The following CCDC33 variants were observed in gnomAD, a reference collection of about 807,000 sequenced individuals.
CCDC33 encodes the protein coiled-coil domain-containing protein 33.
Under a neutral mutation model 91.9 loss-of-function variants are expected in CCDC33, and 94 were observed. The observed-to-expected ratio is 1.02, with a 90% CI of 0.87 to 1.21. The LOEUF is 1.21. CCDC33 is among the 50% of genes most tolerant of loss of function. The pLI, the probability that CCDC33 is intolerant of heterozygous loss-of-function variation, is 0.00. For missense variants in CCDC33, 940 were observed against 935.5 expected (o/e 1.00, Z -0.06); for synonymous variants, 396 against 374.5 (o/e 1.06, Z -0.66).
At chr15:74,283,827 A>G (rs1231899874) in intron 10 of CCDC33, among the ~76,000 whole-genome samples, 1 of 72,128 alleles carries the variant, frequency 1.4e-5, no homozygotes, top group Non-Finnish European at 4.0e-5. Context: ...CACCCCCTCT[A>G]CATATACACT....
intron 2 of CCDC33, among the ~76,000 whole-genome samples, chr15:74,209,935 A>G (rs2074345126): frequency 6.6e-6 from 1 of 152,194 alleles, no homozygotes; most frequent in African/African-American, 2.4e-5. Flanking sequence ...TGCCATCTAT[A>G]AAAAGGTGGG....
upstream of CCDC33, among the ~76,000 whole-genome samples, chr15:74,215,727 G>A (rs139291506): frequency 0.014 from 2,169 of 152,074 alleles, 62 homozygotes; most frequent in African/African-American, 0.05. Context: ...GAGGTTAGCC[G>A]GGCGTGGTGG....
chr15:74,281,390 C>G (rs901131), intron 9 of CCDC33, among the ~76,000 whole-genome samples: 78,010 of 151,858 alleles, frequency 0.51, 24,727 homozygotes, highest in Non-Finnish European at 0.71. Context: ...CATAGGGTTG[C>G]TGTGAGATTT....
At chr15:74,204,685 C>T (rs1266433096) in intron 1 of CCDC33, among the ~76,000 whole-genome samples, 1 of 152,214 alleles carries the variant, frequency 6.6e-6, no homozygotes, top group Non-Finnish European at 1.5e-5. Flanking sequence ...GTAATCCTAG[C>T]ACTTTGGGAG....
chr15:74,262,895 CCA>C (rs1412275523), intron 3 of CCDC33, among the ~76,000 whole-genome samples: 3 of 152,118 alleles, frequency 2.0e-5, no homozygotes, highest in Non-Finnish European at 4.4e-5. Context: ...TGGCACGTCC[CCA>C]CACATCACTC....
At chr15:74,213,726 C>T (rs552217422), upstream of CCDC33, among the ~76,000 whole-genome samples, 8 of 152,296 alleles carry the variant, frequency 5.3e-5, no homozygotes, top group South Asian at 1.5e-3. Flanking sequence ...GATCCTGTTG[C>T]CCTGTGGGCC....
chr15:74,209,353 A>G (rs1392918334), intron 1 of CCDC33: 1 of 1,533,224 alleles, frequency 6.5e-7, no homozygotes, highest in East Asian at 2.4e-5. Flanking sequence ...GGAACCCCCT[A>G]CTTACCTCCA....
At chr15:74,254,744 CTTTTTTTT>C (rs756927130) in intron 2 of CCDC33, among the ~76,000 whole-genome samples, 7 of 126,416 alleles carry the variant, frequency 5.5e-5, no homozygotes, top group African/African-American at 2.1e-4. Flanking sequence ...TACCCTCCTT[CTTTTTTTT>C]TTTTTTTTTT....
Position 74,266,782 on chromosome 15 carries a change from G to A in CCDC33, c.424G>A (p.Val142Met), listed in dbSNP as rs748420901. Residue 142 changes from valine to methionine, a missense_variant, in exon 4 of 19, where the codon GTG becomes ATG. Transcript: ENST00000398814. Reference sequence around the variant, plus strand: ...CTTCCACCCCTACCACTTTGAGCTGGTGAAGGTGAGTCAGAGGCCTGGGGA... The same window carrying A: ...CTTCCACCCCTACCACTTTGAGCTGATGAAGGTGAGTCAGAGGCCTGGGGA... ...RVFHPYHFEL[V>M]KPTESGKADE... 6.2e-7 allele frequency: 1 copy of A among 1,612,188 alleles called. No homozygotes were observed. The highest frequency in any genetic ancestry group is 8.5e-7 in the Non-Finnish European group (1 of 1,178,236).
At position 74,243,706 on chromosome 15, in the gene CCDC33, C is replaced by T. The variant is rs1204696365; in HGVS notation, c.22-279C>T. 6.1e-6 allele frequency: 3 copies of T among 492,666 alleles called. No individual in the cohort carries two copies. The Admixed American group carries it at 6.9e-5, about 11-fold the overall frequency. The allele number at this position is 492,666 out of a possible 1,614,324, so 30.5% of individuals were successfully genotyped here. On this transcript the variant is annotated intron_variant, in intron 1 of 18. Transcript: ENST00000398814. Reference sequence around the variant, plus strand: ...GTGCAGTAACTCATGCCTATAATCCCAGCACTCTGGGAGGCCGAGGCAGGC... The same window carrying T: ...GTGCAGTAACTCATGCCTATAATCCTAGCACTCTGGGAGGCCGAGGCAGGC...
chr15:74,330,059 G>T (rs1596136761), intron 11 of CCDC33, 130 bp from the exon 12 acceptor site: 7 of 1,052,602 alleles, frequency 6.7e-6, no homozygotes, highest in African/African-American at 1.6e-5. Flanking sequence ...TAAGACTTAG[G>T]GCCATGGCTT....
chr15:74,253,586 G>A (rs1022838953), intron 2 of CCDC33, among the ~76,000 whole-genome samples: 1 of 152,134 alleles, frequency 6.6e-6, no homozygotes, highest in Non-Finnish European at 1.5e-5. Flanking sequence ...GTGAGATACT[G>A]AACACCATTA....
chr15:74,234,415 G>C (rs1385878240), upstream of CCDC33, among the ~76,000 whole-genome samples: 1 of 152,192 alleles, frequency 6.6e-6, no homozygotes, highest in Non-Finnish European at 1.5e-5. Context: ...AGCTCACCTT[G>C]CTGGAGGAAG....
At chr15:74,260,741 A>G (rs2076001182) in intron 2 of CCDC33, among the ~76,000 whole-genome samples, 2 of 152,156 alleles carry the variant, frequency 1.3e-5, no homozygotes, top group South Asian at 4.1e-4. Context: ...GACATTCCCA[A>G]TTGTAGACCC....
At chr15:74,328,148 G>C (rs62003748) in intron 11 of CCDC33, among the ~76,000 whole-genome samples, 1 of 152,156 alleles carries the variant, frequency 6.6e-6, no homozygotes, top group Non-Finnish European at 1.5e-5. Flanking sequence ...CCAAAATATC[G>C]TGTGCTTCCT....
At chr15:74,309,541 T>C (rs758591806) in intron 11 of CCDC33, among the ~76,000 whole-genome samples, 3 of 152,124 alleles carry the variant, frequency 2.0e-5, no homozygotes, top group Non-Finnish European at 2.9e-5. Context: ...CTAGCCCTTA[T>C]CCCCAGGCTG....
chr15:74,276,479 G>C (rs1401332905), intron 7 of CCDC33, among the ~76,000 whole-genome samples: 3 of 152,148 alleles, frequency 2.0e-5, no homozygotes, highest in Non-Finnish European at 4.4e-5. Flanking sequence ...CAGCCCCACA[G>C]CTGGCCTGTC....
chr15:74,210,714 G>A (rs1009274250), intron 2 of CCDC33, among the ~76,000 whole-genome samples: 11 of 152,192 alleles, frequency 7.2e-5, no homozygotes, highest in East Asian at 1.9e-4. Flanking sequence ...ATTTGATTCC[G>A]TCCCCAGCCC....
intron 10 of CCDC33, 114 bp from the exon 11 acceptor site, chr15:74,295,640 C>T: frequency 2.3e-6 from 2 of 870,684 alleles, no homozygotes; most frequent in East Asian, 2.6e-5. Flanking sequence ...GCCAGCCATG[C>T]AGGGCCTCCT....
Sources: allele counts gnomAD v4.1 joint callset (sites outside exome capture counted in the v4.1 genomes callset), GRCh38; gene constraint gnomAD v4.1.1; transcripts MANE v1.5; gene names NCBI Gene and HGNC (gene_info 2026-07-23, HGNC 2026-07-21).